PNMA6E: variants seen among roughly 807,000 people sequenced by gnomAD.
The protein encoded by PNMA6E is PNMA family member 6E.
For synonymous variants in PNMA6E, 43 were observed against 17.1 expected (o/e 2.52, Z -3.74); for missense variants, 78 against 50.8 (o/e 1.53, Z -1.63).
the PNMA6E span, among the ~76,000 whole-genome samples, chrX:153,407,013 TTGGTAAGAGC>T: frequency 1.9e-4 from 21 of 112,544 alleles, no homozygotes; most frequent in Non-Finnish European, 3.9e-4. Context: ...AGCTGGGGAC[TTGGTAAGAGC>T]GCTAGCCCTG....
the PNMA6E span, among the ~76,000 whole-genome samples, chrX:153,413,639 G>T: frequency 9.1e-6 from 1 of 110,375 alleles, no homozygotes; most frequent in South Asian, 3.9e-4. Flanking sequence ...CTTCTGCTTG[G>T]CCTCTGCTCT....
the PNMA6E span, among the ~76,000 whole-genome samples, chrX:153,411,343 C>G: frequency 1.8e-5 from 2 of 112,519 alleles, no homozygotes; most frequent in South Asian, 3.6e-4. Flanking sequence ...TGCCTCGGGG[C>G]GCGTGGGGAG....
At chrX:153,410,021 T>A in the PNMA6E span, among the ~76,000 whole-genome samples, 1 of 111,922 alleles carries the variant, frequency 8.9e-6, no homozygotes, top group African/African-American at 3.3e-5. Context: ...ACAAACCGCT[T>A]GGCTTCAGCC....
upstream of PNMA6E, among the ~76,000 whole-genome samples, chrX:153,401,834 A>T (rs868950317): frequency 1.1e-3 from 75 of 69,456 alleles, no homozygotes; most frequent in African/African-American, 1.8e-3. Flanking sequence ...GCCAGGCTGG[A>T]TTTTTTTTTT....
upstream of PNMA6E, among the ~76,000 whole-genome samples, chrX:153,403,486 G>A (rs141803428): frequency 8.1e-3 from 904 of 111,973 alleles, 9 homozygotes; most frequent in African/African-American, 0.028. Context: ...TGGGTTTATC[G>A]GGACATTAAA....
rs558734814 is a variant in PNMA6E at position 153,396,698 on chromosome X, G to C, written c.*208C>G. On this transcript the variant is annotated 3_prime_UTR_variant, in exon 2 of 2. Transcript: ENST00000445091. The stretch of plus-strand genomic sequence containing the variant: ...CTGGGTGTGCTGGGTGCAAGGGAGC[G>C]GGGGGGCGCCTCTCCCCACCCCATT... 22 of 264,314 alleles carry C rather than the reference G, an allele frequency of 8.3e-5. No individual in the cohort carries two copies. The highest frequency in any genetic ancestry group is 1.3e-4 in the Non-Finnish European group (20 of 150,044). The allele number at this position is 264,314 out of a possible 1,213,427, so 21.8% of individuals were successfully genotyped here.
At chrX:153,405,500 C>T (rs2088872909), upstream of PNMA6E, among the ~76,000 whole-genome samples, 1 of 109,869 alleles carries the variant, frequency 9.1e-6, no homozygotes, top group Admixed American at 9.7e-5. Flanking sequence ...CTCTTACCTT[C>T]TTGCACTTGT....
the PNMA6E span, among the ~76,000 whole-genome samples, chrX:153,413,537 T>C: frequency 9.1e-6 from 1 of 109,954 alleles, no homozygotes. Flanking sequence ...CCTTTCTGGC[T>C]CCTCACCTGA....
At chrX:153,401,575 G>A (rs782654995), upstream of PNMA6E, among the ~76,000 whole-genome samples, 1 of 111,976 alleles carries the variant, frequency 8.9e-6, no homozygotes, top group African/African-American at 3.2e-5. Flanking sequence ...GCCCAGAAGC[G>A]GCAGGCACAC....
At chrX:153,407,423 G>T in the PNMA6E span, among the ~76,000 whole-genome samples, 1 of 110,801 alleles carries the variant, frequency 9.0e-6, no homozygotes. Context: ...AGGCTGGAGT[G>T]CAGTGGGGCC....
chrX:153,403,704 A>G (rs2411824), upstream of PNMA6E: 32,853 of 109,910 alleles, frequency 0.3, 4,385 homozygotes, highest in Non-Finnish European at 0.41. Context: ...GCACTTTGGG[A>G]GGCTGAAGTG....
rs2088795460 is a variant in PNMA6E, at chrX:153,395,691, G to C, written c.*1215C>G. On this transcript the variant is annotated 3_prime_UTR_variant, in exon 2 of 2. Coordinates refer to ENST00000445091, the MANE Select transcript of PNMA6E (RefSeq NM_001367770.1). ...AGAAACATATACTGAAACTATTGAA[G>C]AGAAGGAAACCACAATACAGAGAGA... 1 of 112,352 alleles carries C rather than the reference G, an allele frequency of 8.9e-6. No individual in the cohort carries two copies. The highest frequency in any genetic ancestry group is 1.9e-5 in the Non-Finnish European group (1 of 52,926). The allele number at this position is 112,352 out of a possible 1,213,427, so 9.3% of individuals were successfully genotyped here.
At position 153,397,218 on chromosome X, in the gene PNMA6E, A is replaced by G. The variant is rs1189729563; in HGVS notation, c.1632T>C (p.Ser544=). 3 of 296,873 alleles carry G rather than the reference A, an allele frequency of 1.0e-5. No individual in the cohort carries two copies. The highest frequency in any genetic ancestry group is 1.8e-5 in the Non-Finnish European group (3 of 170,167). The allele number at this position is 296,873 out of a possible 1,213,427, so 24.5% of individuals were successfully genotyped here. Reference sequence around the variant, plus strand: ...CTCCCCTTGCAGCCTCTTTGGTGGCAGAAGCGGCCTCGGCAGCATCTTCTG... The same window carrying G: ...CTCCCCTTGCAGCCTCTTTGGTGGCGGAAGCGGCCTCGGCAGCATCTTCTG... ...PGAEDAAEAA[S]ATKEAARGAP... is the part of the protein sequence containing the mutation. The change falls in exon 2 of 2, where the codon TCT becomes TCC. Residue 544 remains serine (S), a synonymous_variant. Coordinates refer to ENST00000445091, the MANE Select transcript of PNMA6E (RefSeq NM_001367770.1).
upstream of PNMA6E, among the ~76,000 whole-genome samples, chrX:153,404,471 G>T (rs1452274063): frequency 9.0e-6 from 1 of 110,674 alleles, no homozygotes; most frequent in Non-Finnish European, 1.9e-5. Context: ...TTTCTCCGAA[G>T]ATGAGTCATT....
upstream of PNMA6E, among the ~76,000 whole-genome samples, chrX:153,402,894 T>A (rs1306890947): frequency 8.9e-6 from 1 of 112,906 alleles, no homozygotes; most frequent in African/African-American, 3.2e-5. Flanking sequence ...TTACTTCTGA[T>A]GAGAATTCAG....
chrX:153,397,736 G>A lies in PNMA6E; in HGVS notation c.1114C>T (p.Leu372=). The change falls in exon 2 of 2, where the codon CTG becomes TTG. Residue 372 remains leucine, a synonymous_variant. Transcript: ENST00000445091. ...TCCAGGAGGCCGCTCACGACTTCCA[G>A]GGCCGGGCCGCCCAAGCTCTCCAGC... ...WLLESLGGPA[L]EVVSGLLEED... 3.2e-6 allele frequency: 1 copy of A among 307,754 alleles called. No homozygotes were observed. Among genetic ancestry groups the A allele is most frequent in the Admixed American group, 5.5e-5 (1 of 18,054 alleles). 25.4% of individuals were successfully genotyped at this position (307,754 alleles called of 1,213,427 possible).
rs1279851345 is a variant in PNMA6E at position 153,398,100 on chromosome X, T to C, written c.750A>G (p.Gly250=). The change falls in exon 2 of 2, where the codon GGA becomes GGG. Residue 250 remains glycine (G), a synonymous_variant. Coordinates refer to ENST00000445091, the MANE Select transcript of PNMA6E (RefSeq NM_001367770.1). ...CTGCTCCTGCCTCACCTGCTGCTCTTCCCTCACCTGCGCCTCCTGCCTCAC... is the reference window on the plus strand; with the variant it reads ...CTGCTCCTGCCTCACCTGCTGCTCTCCCCTCACCTGCGCCTCCTGCCTCAC... ...AAGEAGGAGE[G]RAAGEAGAAG... 1 of 454,262 alleles carries C rather than the reference T, an allele frequency of 2.2e-6. No homozygotes were observed. Among genetic ancestry groups the C allele is most frequent in the Non-Finnish European group, 3.9e-6 (1 of 259,623 alleles). 37.4% of individuals were successfully genotyped at this position (454,262 alleles called of 1,213,427 possible). A position where few individuals can be genotyped will look rare whatever the true frequency, so the allele number is the denominator to read the frequency against.
upstream of PNMA6E, among the ~76,000 whole-genome samples, chrX:153,405,547 C>T (rs1170296841): frequency 9.6e-6 from 1 of 104,278 alleles, no homozygotes; most frequent in African/African-American, 3.5e-5. Context: ...CCTTTCCTCC[C>T]TCCCTCTCCC....
In PNMA6E at chrX:153,397,793, G is replaced by T. The variant is rs954969747; in HGVS notation, c.1057C>A (p.His353Asn). The stretch of plus-strand genomic sequence containing the variant: ...CTCTTCTTCTCCCTTTCCGACGCAT[G>T]GCACCACAGCTGCAGCATATCCTTG... ...HAKDMLQLWC[H>N]ASEREKKRWL... Residue 353 changes from histidine to asparagine, a missense_variant, in exon 2 of 2, where the codon CAT becomes AAT. Coordinates refer to ENST00000445091, the MANE Select transcript of PNMA6E (RefSeq NM_001367770.1). The T allele has an allele frequency of 1.9e-5, 6 of 310,181 alleles. No homozygotes were observed. Among genetic ancestry groups the T allele is most frequent in the Non-Finnish European group, 3.4e-5 (6 of 178,495 alleles). 25.6% of individuals were successfully genotyped at this position (310,181 alleles called of 1,213,427 possible).
Sources: gnomAD v4.1 joint callset for allele counts (sites outside exome capture counted in the v4.1 genomes callset) on GRCh38, gnomAD v4.1.1 for gene constraint, MANE v1.5 for transcripts, NCBI Gene and HGNC (gene_info 2026-07-23, HGNC 2026-07-21) for gene names.